CPSF3: variants seen among roughly 807,000 people sequenced by gnomAD.
CPSF3 encodes cleavage and polyadenylation specificity factor subunit 3.
In CPSF3, 57 loss-of-function variants were observed where a neutral mutation model predicts 84.1. That is an observed-to-expected ratio of 0.68 (90% CI 0.55 to 0.85). The LOEUF (loss-of-function observed/expected upper bound fraction) is 0.85. Ranked by LOEUF, CPSF3 falls within the 40% of genes least tolerant of loss-of-function variation. The pLI, the probability that CPSF3 is intolerant of heterozygous loss-of-function variation, is 0.00. For missense variants in CPSF3, 522 were observed against 838.8 expected, an observed-to-expected ratio of 0.62 and a Z score of 4.66; for synonymous variants, 275 against 278.1, an observed-to-expected ratio of 0.99 and a Z score of 0.11.
intron 15 of CPSF3, among the ~76,000 whole-genome samples, chr2:9,463,860 G>A (rs1681816706): frequency 6.6e-6 from 1 of 152,196 alleles, no homozygotes; most frequent in Admixed American, 6.5e-5. Context: ...TACAGCAGCA[G>A]AACTGAGTCA....
intron 15 of CPSF3, among the ~76,000 whole-genome samples, chr2:9,461,592 A>AC (rs1681725877): frequency 6.6e-6 from 1 of 151,148 alleles, no homozygotes; most frequent in African/African-American, 2.4e-5. Flanking sequence ...ATTGCTTGAA[A>AC]CCGGGGGGCG....
chr2:9,469,603 C>T (rs1433028819), intron 16 of CPSF3, among the ~76,000 whole-genome samples: 1 of 152,136 alleles, frequency 6.6e-6, no homozygotes, highest in East Asian at 1.9e-4. Context: ...TCACTCTGGC[C>T]TTCTTCCCTG....
intron 3 of CPSF3, 26 bp downstream of exon 3, chr2:9,430,046 AC>A: frequency 1.5e-6 from 2 of 1,300,294 alleles, no homozygotes; most frequent in South Asian, 2.7e-5. Flanking sequence ...TATTAATGAC[AC>A]TTTTTCACGG....
intron 4 of CPSF3, among the ~76,000 whole-genome samples, chr2:9,431,530 TTTTTTTTTTC>T (rs1180458335): frequency 2.4e-5 from 3 of 126,926 alleles, no homozygotes; most frequent in African/African-American, 1.1e-4. Context: ...AATATACATA[TTTTTTTTTTC>T]TTTTTTTTTT....
At chr2:9,462,536 G>T (rs1477422066) in intron 15 of CPSF3, among the ~76,000 whole-genome samples, 1 of 152,108 alleles carries the variant, frequency 6.6e-6, no homozygotes, top group African/African-American at 2.4e-5. Context: ...TCTGATGAGG[G>T]CTCTGCCTAG....
intron 16 of CPSF3, among the ~76,000 whole-genome samples, chr2:9,469,938 G>A (rs1290601895): frequency 6.6e-6 from 1 of 152,176 alleles, no homozygotes; most frequent in African/African-American, 2.4e-5. Flanking sequence ...TTTTGGCTGG[G>A]TGTGGTGACC....
rs1404021187 is a variant in CPSF3 at position 9,436,315 on chromosome 2, T to C, written c.714T>C (p.Ile238=). Residue 238 remains isoleucine (I), a synonymous_variant, in exon 7 of 18, where the codon ATT becomes ATC. Transcript: ENST00000238112. Reference sequence around the variant, plus strand: ...TAAACAGAGGAGGCAGGGGTCTCATTCCTGTCTTTGCTCTTGGAAGGGCTC... The same window carrying C: ...TAAACAGAGGAGGCAGGGGTCTCATCCCTGTCTTTGCTCTTGGAAGGGCTC... The part of the protein sequence containing the change: ...DIVNRGGRGL[I]PVFALGRAQE... The C allele has an allele frequency of 6.2e-6, 10 of 1,613,886 alleles. No individual in the cohort carries two copies. The highest frequency in any genetic ancestry group is 1.3e-5 in the African/African-American group (1 of 74,914).
At chr2:9,443,371 T>A (rs1223033047) in intron 9 of CPSF3, 144 bp from the exon 10 acceptor site, 1 of 721,140 alleles carries the variant, frequency 1.4e-6, no homozygotes, top group Non-Finnish European at 2.2e-6. Flanking sequence ...TATTTGATAT[T>A]TACTGAGTCA....
intron 5 of CPSF3, among the ~76,000 whole-genome samples, chr2:9,433,664 C>T (rs1051056293): frequency 6.6e-6 from 1 of 152,124 alleles, no homozygotes; most frequent in African/African-American, 2.4e-5. Flanking sequence ...AGATTATTCC[C>T]ATTTACTAGA....
intron 3 of CPSF3, 120 bp from the exon 4 acceptor site, chr2:9,430,632 G>A: frequency 5.8e-6 from 5 of 868,742 alleles, no homozygotes; most frequent in Non-Finnish European, 8.9e-6. Flanking sequence ...TGGTTTTTCT[G>A]AAAGTATCAG....
At chr2:9,425,285 C>T (rs1680343181) in intron 1 of CPSF3, among the ~76,000 whole-genome samples, 1 of 152,118 alleles carries the variant, frequency 6.6e-6, no homozygotes, top group South Asian at 2.1e-4. Flanking sequence ...GGAAGCACCT[C>T]GTATACACAG....
rs947868750 is a variant in CPSF3 at position 9,454,147 on chromosome 2, C to T, written c.1504+1126C>T. 1.2e-4 allele frequency among the ~76,000 whole-genome samples: 18 copies of T among 152,218 alleles called. 1 individual carries two copies. In the East Asian group the frequency reaches 2.7e-3, roughly 23 times the overall value. Reference sequence around the variant, plus strand: ...AGCAGTGGCCCGGCACGGTGGCTCACGCCTGTAATCCCAGCACTTTGGGAG... The same window carrying T: ...AGCAGTGGCCCGGCACGGTGGCTCATGCCTGTAATCCCAGCACTTTGGGAG... On this transcript the variant is annotated intron_variant, in intron 12 of 17. Coordinates refer to ENST00000238112, the MANE Select transcript of CPSF3 (RefSeq NM_016207.4).
chr2:9,438,190 G>A (rs2124821188), intron 7 of CPSF3, among the ~76,000 whole-genome samples: 1 of 152,302 alleles, frequency 6.6e-6, no homozygotes, highest in East Asian at 1.9e-4. Context: ...CAGATGAAAA[G>A]GAAATCTGTA....
chr2:9,444,533 G>A (rs1024340481), intron 10 of CPSF3, among the ~76,000 whole-genome samples: 2 of 152,134 alleles, frequency 1.3e-5, no homozygotes, highest in Non-Finnish European at 2.9e-5. Context: ...TTTTTAATTA[G>A]AAGAACACTA....
chr2:9,436,274 A>G lies in CPSF3; in HGVS notation c.673A>G (p.Thr225Ala). The change falls in exon 7 of 18, where the codon ACT becomes GCT. Residue 225 changes from threonine to alanine, a missense_variant. Coordinates refer to ENST00000238112, the MANE Select transcript of CPSF3 (RefSeq NM_016207.4). ...AGAGCGAGAAGCAAGATTCTGTAAC[A>G]CTGTCCACGATATTGTAAACAGAGG... The part of the protein sequence containing the change: ...REEREARFCN[T>A]VHDIVNRGGR... 6.2e-7 allele frequency: 1 copy of G among 1,613,514 alleles called. No homozygotes were observed. The highest frequency in any genetic ancestry group is 8.5e-7 in the Non-Finnish European group (1 of 1,179,648).
chr2:9,443,550 G>C lies in CPSF3; in HGVS notation c.1131G>C (p.Met377Ile). 1 of 1,614,052 alleles carries C rather than the reference G, an allele frequency of 6.2e-7. No individual in the cohort carries two copies. Among genetic ancestry groups the C allele is most frequent in the East Asian group, 2.2e-5 (1 of 44,878 alleles). ...IMSEPEEITT[M>I]SGQKLPLKMS... ...CTGAACCTGAAGAAATCACTACTAT[G>C]TCTGGACAGAAGTTACCACTGAAAA... The change falls in exon 10 of 18, where the codon ATG (methionine) becomes ATC (isoleucine). Residue 377 changes from methionine (M) to isoleucine (I), a missense_variant. Coordinates refer to ENST00000238112, the MANE Select transcript of CPSF3 (RefSeq NM_016207.4).
chr2:9,430,167 C>T (rs781402983), intron 3 of CPSF3, 147 bp downstream of exon 3: 3 of 551,098 alleles, frequency 5.4e-6, no homozygotes, highest in Non-Finnish European at 9.5e-6. Context: ...ACCAACACTC[C>T]GTAATGTCAT....
intron 15 of CPSF3, among the ~76,000 whole-genome samples, chr2:9,465,591 T>C (rs1681876713): frequency 6.6e-6 from 1 of 151,828 alleles, no homozygotes; most frequent in Non-Finnish European, 1.5e-5. Flanking sequence ...ATAAAAAATA[T>C]ATAAAAGAGG....
chr2:9,436,774 A>AAAAAAAAAAAATAATAAT (rs139337028), intron 7 of CPSF3, among the ~76,000 whole-genome samples: 67 of 143,032 alleles, frequency 4.7e-4, no homozygotes, highest in African/African-American at 1.7e-3. Context: ...CCATCTCAAA[A>AAAAAAAAAAAATAATAAT]AATAATAATA....
Sources: allele counts gnomAD v4.1 joint callset (sites outside exome capture counted in the v4.1 genomes callset), GRCh38; gene constraint gnomAD v4.1.1; transcripts MANE v1.5; gene names NCBI Gene and HGNC (gene_info 2026-07-23, HGNC 2026-07-21).